Variants in SPOCK3 observed in about 807,000 individuals in gnomAD.
SPOCK3 encodes SPARC (osteonectin), cwcv and kazal like domains proteoglycan 3.
Under a neutral mutation model 56.6 loss-of-function variants are expected in SPOCK3, and 30 were observed. That is an observed-to-expected ratio of 0.53 (90% CI 0.40 to 0.72). The LOEUF (loss-of-function observed/expected upper bound fraction) is 0.72, where lower values mean the gene tolerates loss of function less well. Among genes scored for constraint, SPOCK3 ranks in the 30% least tolerant of loss-of-function variants. SPOCK3 has a pLI of 0.00. For missense variants in SPOCK3, 527 were observed against 530.0 expected (o/e 0.99, Z 0.06); for synonymous variants, 196 against 183.3 (o/e 1.07, Z -0.56).
intron 7 of SPOCK3, among the ~76,000 whole-genome samples, chr4:166,779,281 T>C (rs1006976028): frequency 6.6e-6 from 1 of 151,952 alleles, no homozygotes; most frequent in African/African-American, 2.4e-5. Flanking sequence ...ATGGAACTCA[T>C]TCTCAAAAAA....
chr4:167,234,697 C>T (rs926579591), upstream of SPOCK3: 3 of 166,712 alleles, frequency 1.8e-5, no homozygotes, highest in Admixed American at 1.8e-4. Flanking sequence ...ATCCCACCTT[C>T]CTCTCGCTGG....
At chr4:166,828,382 T>C (rs900560295) in intron 6 of SPOCK3, among the ~76,000 whole-genome samples, 2 of 152,082 alleles carry the variant, frequency 1.3e-5, no homozygotes, top group Non-Finnish European at 2.9e-5. Flanking sequence ...TTTCCAAATG[T>C]AATTTAGCTT....
At chr4:167,195,714 G>T (rs1010887810) in intron 2 of SPOCK3, among the ~76,000 whole-genome samples, 2 of 152,144 alleles carry the variant, frequency 1.3e-5, no homozygotes, top group Admixed American at 6.6e-5. Context: ...AGGCTAAAAC[G>T]CATTGCAGAT....
chr4:166,817,057 G>A (rs1403616154), intron 6 of SPOCK3, among the ~76,000 whole-genome samples: 1 of 151,994 alleles, frequency 6.6e-6, no homozygotes, highest in Non-Finnish European at 1.5e-5. Flanking sequence ...CAGACTCAAG[G>A]CAAGAAACCA....
At chr4:166,805,704 A>C (rs1743091479) in intron 6 of SPOCK3, among the ~76,000 whole-genome samples, 1 of 152,074 alleles carries the variant, frequency 6.6e-6, no homozygotes, top group Non-Finnish European at 1.5e-5. Flanking sequence ...CCATTAAGAA[A>C]ATTACTGTGG....
At chr4:166,771,394 T>C (rs1316287944) in intron 7 of SPOCK3, among the ~76,000 whole-genome samples, 2 of 151,982 alleles carry the variant, frequency 1.3e-5, no homozygotes, top group African/African-American at 2.4e-5. Flanking sequence ...TCAAGGTAAA[T>C]AGATTATCTT....
At chr4:166,755,512 T>G (rs1176542475) in intron 7 of SPOCK3, among the ~76,000 whole-genome samples, 1 of 152,116 alleles carries the variant, frequency 6.6e-6, no homozygotes, top group Non-Finnish European at 1.5e-5. Flanking sequence ...ATTTTAAAAA[T>G]TTGCTTTCAA....
chr4:166,851,035 A>C (rs1306924617), intron 6 of SPOCK3, among the ~76,000 whole-genome samples: 1 of 152,224 alleles, frequency 6.6e-6, no homozygotes, highest in Non-Finnish European at 1.5e-5. Context: ...AAACGAAAAG[A>C]CAGCAGTAAC....
intron 3 of SPOCK3, among the ~76,000 whole-genome samples, chr4:167,023,721 C>T (rs919851659): frequency 9.2e-5 from 14 of 152,004 alleles, no homozygotes; most frequent in African/African-American, 2.7e-4. Flanking sequence ...CTGAAACTCC[C>T]TTACAGCGAT....
chr4:167,159,429 C>T (rs1168176985), intron 2 of SPOCK3, among the ~76,000 whole-genome samples: 2 of 151,994 alleles, frequency 1.3e-5, no homozygotes, highest in Non-Finnish European at 2.9e-5. Flanking sequence ...TCCCTATAAC[C>T]GGAGGAAAGG....
At chr4:166,966,615 T>C (rs774767104) in intron 4 of SPOCK3, among the ~76,000 whole-genome samples, 24 of 152,176 alleles carry the variant, frequency 1.6e-4, no homozygotes, top group Non-Finnish European at 2.2e-4. Flanking sequence ...TTCTGAGCAG[T>C]GAAGAATAAA....
At chr4:167,180,472 G>T (rs553201349) in intron 2 of SPOCK3, among the ~76,000 whole-genome samples, 1 of 152,142 alleles carries the variant, frequency 6.6e-6, no homozygotes, top group Non-Finnish European at 1.5e-5. Context: ...TTCATTACCC[G>T]TGAGGAGAAA....
At chr4:166,827,651 A>C (rs1406335637) in intron 6 of SPOCK3, among the ~76,000 whole-genome samples, 1 of 152,092 alleles carries the variant, frequency 6.6e-6, no homozygotes, top group Non-Finnish European at 1.5e-5. Context: ...TTAAGTGAGA[A>C]AAATATATTA....
chr4:167,014,277 T>G (rs1464068808), intron 3 of SPOCK3, among the ~76,000 whole-genome samples: 1 of 6,634 alleles, frequency 1.5e-4, no homozygotes, highest in African/African-American at 1.8e-4. Context: ...CTTGAGTGGG[T>G]TTTTTTTTTT....
At chr4:167,207,230 T>C (rs1373255543) in intron 2 of SPOCK3, among the ~76,000 whole-genome samples, 1 of 152,094 alleles carries the variant, frequency 6.6e-6, no homozygotes, top group East Asian at 1.9e-4. Flanking sequence ...TTATATAATA[T>C]TGTGATTTAT....
At chr4:166,762,966 T>A (rs1252903427) in intron 7 of SPOCK3, among the ~76,000 whole-genome samples, 1 of 152,170 alleles carries the variant, frequency 6.6e-6, no homozygotes. Flanking sequence ...ATACTCGAAG[T>A]GTGGGGTTCA....
chr4:166,912,707 C>T lies in SPOCK3; in HGVS notation c.387G>A (p.Arg129=), dbSNP rs374411292. ...GCTTGCAGGTGGATAATATGGGACC[C>T]CTCCACTGCCTATGGTCTACTCCTG... The part of the protein sequence containing the change: ...KEAGVDHRQW[R]GPILSTCKQC... The change falls in exon 5 of 11, where the codon AGG becomes AGA. Residue 129 remains arginine, a synonymous_variant. Coordinates refer to ENST00000357545, the MANE Select transcript of SPOCK3 (RefSeq NM_001040159.2). The T allele has an allele frequency of 6.2e-7, 1 of 1,613,066 alleles. No homozygotes were observed. The highest frequency in any genetic ancestry group is 1.1e-5 in the South Asian group (1 of 91,012).
intron 2 of SPOCK3, among the ~76,000 whole-genome samples, chr4:167,118,478 G>T (rs80213399): frequency 2.0e-5 from 3 of 152,222 alleles, no homozygotes; most frequent in East Asian, 1.9e-4. Flanking sequence ...AGGCAGTGAC[G>T]TTATAGAGTC....
chr4:166,762,075 AT>A (rs11316023), intron 7 of SPOCK3, among the ~76,000 whole-genome samples: 50,008 of 151,722 alleles, frequency 0.33, 8,384 homozygotes, highest in Admixed American at 0.42. Flanking sequence ...TCATAAAAGT[AT>A]TAAAGAATTT....
Sources: allele counts gnomAD v4.1 joint callset (sites outside exome capture counted in the v4.1 genomes callset), GRCh38; gene constraint gnomAD v4.1.1; transcripts MANE v1.5; gene names NCBI Gene and HGNC (gene_info 2026-07-23, HGNC 2026-07-21).